Variants in MTMR12 observed in about 807,000 individuals in gnomAD.
MTMR12 encodes the protein myotubularin-related protein 12.
In MTMR12, 33 loss-of-function variants were observed where a neutral mutation model predicts 96.7. That is an observed-to-expected ratio of 0.34 (90% CI 0.26 to 0.46). The LOEUF is 0.46. MTMR12 is among the 20% of genes least tolerant of loss of function. The pLI is 1.00. For synonymous variants in MTMR12, 298 were observed against 327.2 expected (o/e 0.91, Z 0.96); for missense variants, 721 against 896.1 (o/e 0.80, Z 2.49).
chr5:32,285,082 G>C (rs1750475805), intron 1 of MTMR12, among the ~76,000 whole-genome samples: 1 of 152,158 alleles, frequency 6.6e-6, no homozygotes, highest in Non-Finnish European at 1.5e-5. Flanking sequence ...CATGGGCCAG[G>C]CACAGTGGCT....
intron 7 of MTMR12, among the ~76,000 whole-genome samples, chr5:32,256,748 T>G (rs1461946561): frequency 1.3e-5 from 2 of 152,228 alleles, no homozygotes; most frequent in Non-Finnish European, 2.9e-5. Context: ...GTATGCATGC[T>G]GCATGTGTGA....
Position 32,276,747 on chromosome 5 carries a change from A to G in MTMR12, c.82-5T>C, listed in dbSNP as rs1750067648. 1.9e-6 allele frequency: 3 copies of G among 1,612,290 alleles called. No homozygotes were observed. Among genetic ancestry groups the G allele is most frequent in the African/African-American group, 1.3e-5 (1 of 75,008 alleles). ...CTTTTCGTTTGTGTGAATTTCCTAA[A>G]AGAGAAGAGCAAAGGATATTTTTCT... On this transcript the variant is annotated splice_region_variant and splice_polypyrimidine_tract_variant and intron_variant, in intron 1 of 15. Coordinates refer to ENST00000382142, the MANE Select transcript of MTMR12 (RefSeq NM_001040446.3).
intron 2 of MTMR12, among the ~76,000 whole-genome samples, chr5:32,274,528 TA>T (rs1175793205): frequency 6.6e-6 from 1 of 152,022 alleles, no homozygotes; most frequent in African/African-American, 2.4e-5. Flanking sequence ...CAGTCTGCCC[TA>T]AAAAAACGCA....
chr5:32,227,380 C>T lies in MTMR12; in HGVS notation c.*2398G>A, dbSNP rs79391530. 12 of 152,628 alleles carry T rather than the reference C, an allele frequency of 7.9e-5. No homozygotes were observed. Among genetic ancestry groups the T allele is most frequent in the Non-Finnish European group, 1.5e-4 (10 of 68,022 alleles). 9.5% of individuals were successfully genotyped at this position (152,628 alleles called of 1,614,324 possible). A position where few individuals can be genotyped will look rare whatever the true frequency, so the allele number is the denominator to read the frequency against. On this transcript the variant is annotated 3_prime_UTR_variant, in exon 16 of 16. Transcript: ENST00000382142. ...CCATTGAGAATTCTGTACACAAATA[C>T]GAGTTATAGAAATCTGATTTCAAAT...
chr5:32,245,408 A>G lies in MTMR12; in HGVS notation c.1022-1809T>C, dbSNP rs1392433527. ...AATCAGACTTTTAAGGTAGATGCCTAATGAGTTCCCATCAAAACTCTTGCA... is the reference window on the plus strand; with the variant it reads ...AATCAGACTTTTAAGGTAGATGCCTGATGAGTTCCCATCAAAACTCTTGCA... On this transcript the variant is annotated intron_variant, in intron 10 of 15. Coordinates refer to ENST00000382142, the MANE Select transcript of MTMR12 (RefSeq NM_001040446.3). 2.0e-5 allele frequency among the ~76,000 whole-genome samples: 3 copies of G among 152,322 alleles called. No homozygotes were observed. The East Asian group carries it at 5.8e-4, about 29-fold the overall frequency.
rs562841721 is a variant in MTMR12, at chr5:32,267,663, C to T, written c.583+1038G>A. On this transcript the variant is annotated intron_variant, in intron 6 of 15. Transcript: ENST00000382142. ...CCTAAAATATTTGCTATAAAGTATG[C>T]TCTGGTTGTTTAAAAACTTTCTAGA... 2.0e-5 allele frequency among the ~76,000 whole-genome samples: 3 copies of T among 152,248 alleles called. No individual in the cohort carries two copies. The South Asian group carries it at 6.2e-4, about 32-fold the overall frequency.
At chr5:32,280,517 T>C (rs1034404862) in intron 1 of MTMR12, among the ~76,000 whole-genome samples, 1 of 152,222 alleles carries the variant, frequency 6.6e-6, no homozygotes, top group African/African-American at 2.4e-5. Flanking sequence ...GAAAAATGAA[T>C]TTGCATCTAC....
chr5:32,297,285 C>T (rs1750966580), intron 1 of MTMR12, among the ~76,000 whole-genome samples: 1 of 152,160 alleles, frequency 6.6e-6, no homozygotes, highest in Non-Finnish European at 1.5e-5. Flanking sequence ...CAAAGCACCT[C>T]ATACCAAAGC....
Position 32,275,368 on chromosome 5 carries a change from T to C in MTMR12, c.143-1246A>G, listed in dbSNP as rs548139429. Among the ~76,000 whole-genome samples, 3 of 152,304 alleles carry C rather than the reference T, an allele frequency of 2.0e-5. No homozygotes were observed. In the East Asian group the frequency reaches 5.8e-4, roughly 29 times the overall value. On this transcript the variant is annotated intron_variant, in intron 2 of 15. Transcript: ENST00000382142. ...TCTGCCAAGTCCATGGGGGAAGACA[T>C]GTAAGCAAGGCTTCCTGTGCTTTCA...
At chr5:32,274,989 C>A (rs758638559) in intron 2 of MTMR12, among the ~76,000 whole-genome samples, 3 of 151,940 alleles carry the variant, frequency 2.0e-5, no homozygotes, top group Non-Finnish European at 4.4e-5. Flanking sequence ...AAATGTTTTG[C>A]AACAACAACA....
chr5:32,238,143 CAAA>C (rs746835069), intron 13 of MTMR12, among the ~76,000 whole-genome samples: 25 of 58,960 alleles, frequency 4.2e-4, no homozygotes, highest in African/African-American at 1.3e-3. Flanking sequence ...GACTCCGTCT[CAAA>C]AAAAAAAAAA....
intron 1 of MTMR12, among the ~76,000 whole-genome samples, chr5:32,304,377 A>G (rs1751275394): frequency 6.6e-6 from 1 of 152,162 alleles, no homozygotes; most frequent in Admixed American, 6.5e-5. Flanking sequence ...CTCACGAACA[A>G]AACACAGACA....
At position 32,268,749 on chromosome 5, in the gene MTMR12, T is replaced by G. The variant is rs1475811436; in HGVS notation, c.535A>C (p.Lys179Gln). Reference protein sequence around the residue: ...IHHTQAPKLLKRLFLFSYATA... With the variant: ...IHHTQAPKLLQRLFLFSYATA... ...GCATAGGAAAACAGAAATAATCGTTTAAGCAGTTTAGGAGCCTGGGTATGA... is the reference window on the plus strand; with the variant it reads ...GCATAGGAAAACAGAAATAATCGTTGAAGCAGTTTAGGAGCCTGGGTATGA... The change falls in exon 6 of 16, where the codon AAA (lysine) becomes CAA (glutamine). Residue 179 changes from lysine to glutamine, a missense_variant. Lys to Gln is a moderately conservative substitution (Grantham distance 53). Coordinates refer to ENST00000382142, the MANE Select transcript of MTMR12 (RefSeq NM_001040446.3). 1 of 1,614,058 alleles carries G rather than the reference T, an allele frequency of 6.2e-7. No homozygotes were observed. The highest frequency in any genetic ancestry group is 1.7e-5 in the Admixed American group (1 of 60,018).
chr5:32,307,607 A>G (rs1437114300), intron 1 of MTMR12, among the ~76,000 whole-genome samples: 1 of 152,226 alleles, frequency 6.6e-6, no homozygotes, highest in Non-Finnish European at 1.5e-5. Flanking sequence ...TATGGTTTTA[A>G]CTGTCACATT....
At chr5:32,271,724 T>C (rs776615816) in intron 4 of MTMR12, 109 bp downstream of exon 4, 41 of 589,100 alleles carry the variant, frequency 7.0e-5, no homozygotes, top group Non-Finnish European at 3.0e-5. Context: ...AACAAGATGA[T>C]ATATGTGAAA....
At chr5:32,301,925 A>G (rs1186815006) in intron 1 of MTMR12, among the ~76,000 whole-genome samples, 2 of 152,110 alleles carry the variant, frequency 1.3e-5, no homozygotes, top group East Asian at 3.8e-4. Context: ...AAAACAAACA[A>G]AAAAACTCTT....
rs537690410 is a variant in MTMR12, at chr5:32,228,545, CAT to C, written c.*1231_*1232del. 9 of 130,754 alleles carry C rather than the reference CAT, an allele frequency of 6.9e-5. No homozygotes were observed. The highest frequency in any genetic ancestry group is 4.3e-4 in the East Asian group (2 of 4,652). The allele number at this position is 130,754 out of a possible 1,614,324, so 8.1% of individuals were successfully genotyped here. A position where few individuals can be genotyped will look rare whatever the true frequency, so the allele number is the denominator to read the frequency against. On this transcript the variant is annotated 3_prime_UTR_variant, in exon 16 of 16. Coordinates refer to ENST00000382142, the MANE Select transcript of MTMR12 (RefSeq NM_001040446.3). ...TATATCATATATATGATATATATAT[CAT>C]ATATATGTGATATATATATATCATA...
At position 32,229,411 on chromosome 5, in the gene MTMR12, T is replaced by C. The variant is rs1295629510; in HGVS notation, c.*367A>G. On this transcript the variant is annotated 3_prime_UTR_variant, in exon 16 of 16. Transcript: ENST00000382142. ...CTATTCCCAATGACTGGATAAATTA[T>C]CTTGGCACAAAGAGGATCTGAAGAA... 1 of 173,084 alleles carries C rather than the reference T, an allele frequency of 5.8e-6. No homozygotes were observed. Among genetic ancestry groups the C allele is most frequent in the African/African-American group, 2.4e-5 (1 of 42,362 alleles). 10.7% of individuals were successfully genotyped at this position (173,084 alleles called of 1,614,324 possible).
chr5:32,272,954 G>A (rs912550754), intron 3 of MTMR12, among the ~76,000 whole-genome samples: 1 of 152,182 alleles, frequency 6.6e-6, no homozygotes, highest in Non-Finnish European at 1.5e-5. Flanking sequence ...ATCTGGGACA[G>A]TTGGCACATT....
Sources: gnomAD v4.1 joint callset for allele counts (sites outside exome capture counted in the v4.1 genomes callset) on GRCh38, gnomAD v4.1.1 for gene constraint, MANE v1.5 for transcripts, NCBI Gene and HGNC (gene_info 2026-07-23, HGNC 2026-07-21) for gene names.